The following NRG3 variants were observed in gnomAD, a reference collection of about 807,000 sequenced individuals.
The protein encoded by NRG3 is pro-neuregulin-3, membrane-bound isoform.
NRG3 carries 31 observed loss-of-function variants against 66.9 expected under a neutral mutation model. That is an observed-to-expected ratio of 0.46 (90% CI 0.35 to 0.63). The LOEUF is 0.63. Among genes scored for constraint, NRG3 ranks in the 20% least tolerant of loss-of-function variants. The pLI is 0.00. For missense variants in NRG3, 910 were observed against 878.9 expected (o/e 1.04, Z -0.45); for synonymous variants, 393 against 359.4 (o/e 1.09, Z -1.06).
chr10:82,579,136 A>G (rs1020406175), intron 2 of NRG3, among the ~76,000 whole-genome samples: 1 of 151,878 alleles, frequency 6.6e-6, no homozygotes, highest in African/African-American at 2.4e-5. Flanking sequence ...GTGTGCAGTT[A>G]ATTAGAATTT....
chr10:82,813,426 C>T (rs1229091808), intron 3 of NRG3, among the ~76,000 whole-genome samples: 2 of 151,908 alleles, frequency 1.3e-5, no homozygotes, highest in African/African-American at 2.4e-5. Flanking sequence ...GTTGGCCAAG[C>T]TGGTCTCAAA....
intron 2 of NRG3, among the ~76,000 whole-genome samples, chr10:82,421,837 A>C (rs879878932): frequency 3.3e-5 from 5 of 151,896 alleles, no homozygotes; most frequent in Admixed American, 6.6e-5. Context: ...TTCTCTCTTT[A>C]AAGCACCTTT....
At chr10:82,576,618 T>C (rs2046049025) in intron 2 of NRG3, among the ~76,000 whole-genome samples, 1 of 151,792 alleles carries the variant, frequency 6.6e-6, no homozygotes, top group Non-Finnish European at 1.5e-5. Flanking sequence ...TTCAGCATAG[T>C]TACTTCTTTG....
rs779040062 is a variant in NRG3, at chr10:82,405,454, G to GTTTTTT, written c.953+46589_953+46590insTTTTTT. 3.8e-3 allele frequency among the ~76,000 whole-genome samples: 526 copies of GTTTTTT among 139,850 alleles called. 43 individuals are homozygous for GTTTTTT. Among genetic ancestry groups the GTTTTTT allele is most frequent in the East Asian group, 6.2e-3 (28 of 4,500 alleles). 91.7% of individuals were successfully genotyped at this position (139,850 alleles called of 152,430 possible). A position where few individuals can be genotyped will look rare whatever the true frequency, so the allele number is the denominator to read the frequency against. On this transcript the variant is annotated intron_variant, in intron 2 of 8. Coordinates refer to ENST00000372141, the MANE Select transcript of NRG3 (RefSeq NM_001010848.4). ...TTCTATCTTTGGAATGATCTCAGTAGTTTGTTTTTTTTTTTTTTGAAATGG... is the reference window on the plus strand; with the variant it reads ...TTCTATCTTTGGAATGATCTCAGTAGTTTTTTTTTGTTTTTTTTTTTTTTGAAATGG...
intron 2 of NRG3, among the ~76,000 whole-genome samples, chr10:82,594,619 A>C (rs1182916447): frequency 6.6e-6 from 1 of 152,180 alleles, no homozygotes. Flanking sequence ...CATTATGCTA[A>C]TCTCTTTGAA....
chr10:82,236,239 G>C (rs1011839778), intron 1 of NRG3, among the ~76,000 whole-genome samples: 9 of 152,134 alleles, frequency 5.9e-5, no homozygotes, highest in African/African-American at 2.2e-4. Flanking sequence ...TACTGTAGTA[G>C]GAAGTAAATG....
At position 81,925,731 on chromosome 10, in the gene NRG3, G is replaced by GA. The variant is rs529857014; in HGVS notation, c.823+49574dup. On this transcript the variant is annotated intron_variant, in intron 1 of 8. Coordinates refer to ENST00000372141, the MANE Select transcript of NRG3 (RefSeq NM_001010848.4). ...TTAGTGTGAAAGCTTTTTATTTTCT[G>GA]AAAAAACTTTTTTTTTAAAAAAAAA... Among the ~76,000 whole-genome samples the GA allele has an allele frequency of 4.9e-4, 63 of 127,634 alleles. 3 individuals carry two copies. The South Asian group carries it at 0.016, about 32-fold the overall frequency. 83.7% of individuals were successfully genotyped at this position (127,634 alleles called of 152,430 possible).
chr10:82,128,260 G>C (rs1334076937), intron 1 of NRG3, among the ~76,000 whole-genome samples: 2 of 151,818 alleles, frequency 1.3e-5, no homozygotes, highest in Non-Finnish European at 2.9e-5. Context: ...TTTCTTTATT[G>C]ATCATTATGA....
chr10:82,045,905 C>G lies in NRG3; in HGVS notation c.823+169742C>G, dbSNP rs540712190. On this transcript the variant is annotated intron_variant, in intron 1 of 8. Transcript: ENST00000372141. ...ATATGCGGTGTTATTTCTAAGGGCT[C>G]TGTTCTGTTCCATTGATTTATATCT... Among the ~76,000 whole-genome samples the G allele has an allele frequency of 2.6e-5, 4 of 151,178 alleles. No homozygotes were observed. In the South Asian group the frequency reaches 6.3e-4, roughly 24 times the overall value.
chr10:82,438,790 A>G (rs1427717131), intron 2 of NRG3, among the ~76,000 whole-genome samples: 18 of 151,992 alleles, frequency 1.2e-4, no homozygotes, highest in Admixed American at 1.2e-3. Context: ...CTTCTTTCCC[A>G]TGTGGCTTTC....
chr10:82,845,198 A>G (rs761507994), intron 3 of NRG3, among the ~76,000 whole-genome samples: 5 of 152,202 alleles, frequency 3.3e-5, no homozygotes, highest in Non-Finnish European at 5.9e-5. Context: ...CAAGTATTAC[A>G]TGCTTGTTTT....
rs1387173078 is a variant in NRG3 at position 82,314,547 on chromosome 10, G to A, written c.824-44192G>A. Among the ~76,000 whole-genome samples the A allele has an allele frequency of 4.6e-5, 7 of 152,210 alleles. No individual in the cohort carries two copies. In the East Asian group the frequency reaches 7.7e-4, roughly 17 times the overall value. On this transcript the variant is annotated intron_variant, in intron 1 of 8. Coordinates refer to ENST00000372141, the MANE Select transcript of NRG3 (RefSeq NM_001010848.4). ...AAATAGGCCAGGCACAGTGGCTCAC[G>A]TCTGTAATCCCAGCACTTTGGGAGG... is the stretch of plus-strand genomic sequence containing the variant.
intron 1 of NRG3, among the ~76,000 whole-genome samples, chr10:81,953,188 C>G (rs1849537126): frequency 6.6e-6 from 1 of 152,100 alleles, no homozygotes; most frequent in African/African-American, 2.4e-5. Context: ...AGGTAGATAC[C>G]CACAATAGAA....
At chr10:82,300,993 A>G (rs996220354) in intron 1 of NRG3, among the ~76,000 whole-genome samples, 2 of 152,132 alleles carry the variant, frequency 1.3e-5, no homozygotes, top group African/African-American at 2.4e-5. Flanking sequence ...AGAAGAAGAA[A>G]AAAAGAAAAC....
At chr10:82,014,235 A>C (rs1421070145) in intron 1 of NRG3, among the ~76,000 whole-genome samples, 1 of 152,194 alleles carries the variant, frequency 6.6e-6, no homozygotes, top group Non-Finnish European at 1.5e-5. Flanking sequence ...TCCATAAGCA[A>C]GTGCTTTATA....
chr10:82,300,653 G>A (rs527264155), intron 1 of NRG3, among the ~76,000 whole-genome samples: 3 of 152,248 alleles, frequency 2.0e-5, no homozygotes, highest in South Asian at 4.1e-4. Context: ...ACTGAAGTGC[G>A]AGGAGTGGCA....
At chr10:82,236,783 T>G (rs1324135008) in intron 1 of NRG3, among the ~76,000 whole-genome samples, 1 of 142,644 alleles carries the variant, frequency 7.0e-6, no homozygotes, top group South Asian at 2.3e-4. Context: ...TGGTGCGATC[T>G]CCGCCTACTG....
intron 1 of NRG3, among the ~76,000 whole-genome samples, chr10:82,081,574 T>G (rs919022265): frequency 6.6e-6 from 1 of 152,216 alleles, no homozygotes; most frequent in Admixed American, 6.5e-5. Flanking sequence ...GGTACTTCTA[T>G]ATCTGAATTG....
chr10:82,588,905 G>A (rs10509456), intron 2 of NRG3, among the ~76,000 whole-genome samples: 3 of 152,120 alleles, frequency 2.0e-5, no homozygotes, highest in Non-Finnish European at 4.4e-5. Context: ...AACCATTCCC[G>A]CAGAGTTGGC....
Sources: allele counts gnomAD v4.1 joint callset (sites outside exome capture counted in the v4.1 genomes callset), GRCh38; gene constraint gnomAD v4.1.1; transcripts MANE v1.5; gene names NCBI Gene and HGNC (gene_info 2026-07-23, HGNC 2026-07-21).